The following ARHGAP32 variants were observed in gnomAD, a reference collection of about 807,000 sequenced individuals.
ARHGAP32 encodes the protein rho GTPase-activating protein 32.
A neutral mutation model predicts 186.5 loss-of-function variants in ARHGAP32; 51 were observed. The observed-to-expected ratio is 0.27, with a 90% CI of 0.22 to 0.35. ARHGAP32 has a LOEUF of 0.35. Ranked by LOEUF, ARHGAP32 falls within the 10% of genes least tolerant of loss-of-function variation. The pLI is 1.00. For synonymous variants in ARHGAP32, 950 were observed against 964.3 expected, an observed-to-expected ratio of 0.99 and a Z score of 0.27; for missense variants, 2,186 against 2,623.5, an observed-to-expected ratio of 0.83 and a Z score of 3.64.
At chr11:129,039,987 T>C (rs753465786) in intron 11 of ARHGAP32, among the ~76,000 whole-genome samples, 3 of 152,186 alleles carry the variant, frequency 2.0e-5, no homozygotes, top group African/African-American at 4.8e-5. Flanking sequence ...ATGGGAACAA[T>C]GATTCCCTAG....
chr11:129,164,286 G>C (rs1191253876), intron 2 of ARHGAP32, 33 bp downstream of exon 2: 1 of 1,189,944 alleles, frequency 8.4e-7, no homozygotes, highest in Non-Finnish European at 1.2e-6. Flanking sequence ...ACATATATAT[G>C]TATATATGAA....
chr11:129,191,817 T>A (rs1333847902), intron 1 of ARHGAP32, among the ~76,000 whole-genome samples: 2 of 152,080 alleles, frequency 1.3e-5, no homozygotes, highest in African/African-American at 4.8e-5. Context: ...TACTTGAAAT[T>A]CCTGAAAGGC....
intron 2 of ARHGAP32, among the ~76,000 whole-genome samples, chr11:129,158,699 G>A (rs1370761197): frequency 3.3e-5 from 5 of 152,078 alleles, no homozygotes; most frequent in South Asian, 2.1e-4. Flanking sequence ...CCCAGCTCTG[G>A]ATGAAACAGA....
chr11:129,060,105 AGTTT>A (rs1463175934), intron 10 of ARHGAP32, among the ~76,000 whole-genome samples: 2 of 152,188 alleles, frequency 1.3e-5, no homozygotes, highest in East Asian at 1.9e-4. Flanking sequence ...GAAAAGAATT[AGTTT>A]GTTTAGGCAA....
chr11:128,996,301 T>C, intron 12 of ARHGAP32, among the ~76,000 whole-genome samples: 1 of 67,760 alleles, frequency 1.5e-5, no homozygotes, highest in East Asian at 3.7e-4. Context: ...TAAAATTACT[T>C]TAATTTTCTA....
At chr11:129,189,680 A>G (rs917592426) in intron 1 of ARHGAP32, among the ~76,000 whole-genome samples, 1 of 152,362 alleles carries the variant, frequency 6.6e-6, no homozygotes, top group South Asian at 2.1e-4. Context: ...AATGGCAGAC[A>G]AATTTAAACT....
At chr11:129,065,109 C>T (rs1217228659) in intron 7 of ARHGAP32, among the ~76,000 whole-genome samples, 176 bp from the exon 8 acceptor site, 1 of 152,128 alleles carries the variant, frequency 6.6e-6, no homozygotes, top group Non-Finnish European at 1.5e-5. Context: ...AGCAAGTCAG[C>T]CCCTGTCTCA....
At chr11:129,228,393 TAA>T (rs1271277851) in intron 1 of ARHGAP32, among the ~76,000 whole-genome samples, 2 of 151,616 alleles carry the variant, frequency 1.3e-5, no homozygotes, top group Admixed American at 6.6e-5. Flanking sequence ...CAGAAAAAAA[TAA>T]GAGTAAAATC....
At chr11:129,182,766 C>T (rs986843890) in intron 1 of ARHGAP32, among the ~76,000 whole-genome samples, 20 of 151,782 alleles carry the variant, frequency 1.3e-4, no homozygotes, top group Non-Finnish European at 2.1e-4. Flanking sequence ...ACTTCAGTCT[C>T]CTGAGTACCT....
intron 10 of ARHGAP32, among the ~76,000 whole-genome samples, chr11:129,042,920 C>T (rs1358394792): frequency 6.6e-6 from 1 of 151,964 alleles, no homozygotes; most frequent in Non-Finnish European, 1.5e-5. Context: ...TGGGAGGTGC[C>T]CTGGAAATAG....
At chr11:129,137,189 A>T (rs1284941647) in intron 2 of ARHGAP32, among the ~76,000 whole-genome samples, 1 of 151,850 alleles carries the variant, frequency 6.6e-6, no homozygotes, top group African/African-American at 2.4e-5. Flanking sequence ...TAACTAAAAG[A>T]CTGTAAATAT....
chr11:129,177,721 T>C (rs993279185), intron 1 of ARHGAP32, among the ~76,000 whole-genome samples: 8 of 152,158 alleles, frequency 5.3e-5, no homozygotes, highest in Non-Finnish European at 8.8e-5. Flanking sequence ...GAAAAGGCCT[T>C]TGACAAAATT....
In ARHGAP32 at chr11:128,974,897, T is replaced by G; in HGVS notation, c.2300A>C (p.Asn767Thr). The change falls in exon 21 of 23, where the codon AAT (asparagine) becomes ACT (threonine). Residue 767 changes from asparagine (N) to threonine (T), a missense_variant. This residue lies in a region of ARHGAP32 where 263 missense variants were observed against 323.5 expected (regional missense o/e 0.81). Coordinates refer to ENST00000682385, the MANE Select transcript of ARHGAP32 (RefSeq NM_001378024.1). ...CTCACTCTCATTGTCATGAGGCAGA[T>G]TATCATAGGAGTTACAGCGGTTCCC... ...MLGNRCNSYD[N>T]LPHDNESEEE... is the part of the protein sequence containing the mutation. The G allele has an allele frequency of 6.2e-7, 1 of 1,614,142 alleles. No individual in the cohort carries two copies. Among genetic ancestry groups the G allele is most frequent in the Non-Finnish European group, 8.5e-7 (1 of 1,180,020 alleles).
chr11:129,041,078 G>A, intron 10 of ARHGAP32, 69 bp from the exon 11 acceptor site: 1 of 1,020,196 alleles, frequency 9.8e-7, no homozygotes, highest in South Asian at 1.4e-5. Flanking sequence ...ACTGCCAACT[G>A]AATTCCAGTA....
At chr11:129,010,217 A>G (rs1265707221) in intron 11 of ARHGAP32, among the ~76,000 whole-genome samples, 4 of 152,152 alleles carry the variant, frequency 2.6e-5, no homozygotes, top group African/African-American at 9.7e-5. Context: ...GATAGACTGC[A>G]AACATTTTCT....
chr11:129,025,828 A>G (rs1189643437), intron 11 of ARHGAP32, among the ~76,000 whole-genome samples: 1 of 148,398 alleles, frequency 6.7e-6, no homozygotes, highest in Non-Finnish European at 1.5e-5. Context: ...TATATATGTT[A>G]ATATATATTA....
intron 5 of ARHGAP32, among the ~76,000 whole-genome samples, chr11:129,098,072 T>C (rs12794250): frequency 0.2 from 29,700 of 152,110 alleles, 3,095 homozygotes; most frequent in Non-Finnish European, 0.23. Flanking sequence ...AAAACTGTCC[T>C]TAAAAAGTAA....
rs377537493 is a variant in ARHGAP32 at position 129,034,075 on chromosome 11, A to G, written c.1045+6853T>C. Among the ~76,000 whole-genome samples the G allele has an allele frequency of 7.2e-4, 109 of 152,272 alleles. 2 individuals are homozygous for G. In the South Asian group the frequency reaches 0.022, roughly 31 times the overall value. On this transcript the variant is annotated intron_variant, in intron 11 of 22. Transcript: ENST00000682385. ...TTCTTGGCTCTGTATTTCCATATAC[A>G]TTTTAGAATCAGTCATCAATTTCTA...
At chr11:129,135,735 C>T (rs1942923013) in intron 2 of ARHGAP32, among the ~76,000 whole-genome samples, 1 of 152,024 alleles carries the variant, frequency 6.6e-6, no homozygotes, top group African/African-American at 2.4e-5. Context: ...CCACTGCACT[C>T]CAGCCTGGGC....
Sources: allele counts gnomAD v4.1 joint callset (sites outside exome capture counted in the v4.1 genomes callset), GRCh38; gene constraint gnomAD v4.1.1; regional missense constraint gnomAD v4.1.1; transcripts MANE v1.5; gene names NCBI Gene and HGNC (gene_info 2026-07-23, HGNC 2026-07-21).